Variants in TRMT10A observed in about 807,000 individuals in gnomAD.
The protein encoded by TRMT10A is tRNA methyltransferase 10 homolog A.
Under a neutral mutation model 40.4 loss-of-function variants are expected in TRMT10A, and 37 were observed. The ratio of observed to expected loss-of-function variants is 0.92; its 90% CI spans 0.71 to 1.21. TRMT10A has a LOEUF of 1.21. TRMT10A is among the 50% of genes most tolerant of loss of function. The pLI is 0.00. For synonymous variants in TRMT10A, 103 were observed against 134.1 expected (o/e 0.77, Z 1.60); for missense variants, 388 against 404.3 (o/e 0.96, Z 0.35).
chr4:99,558,024 T>C (rs1313536238), intron 3 of TRMT10A, 25 bp downstream of exon 3: 1 of 1,524,080 alleles, frequency 6.6e-7, no homozygotes, highest in East Asian at 2.5e-5. Context: ...ACATACAAGA[T>C]TTTTCTGACA....
rs748650030 is a variant in TRMT10A at position 99,563,959 on chromosome 4, T to G, written c.-70A>C. On this transcript the variant is annotated 5_prime_UTR_variant, in exon 1 of 8. Coordinates refer to ENST00000394876, the MANE Select transcript of TRMT10A (RefSeq NM_001134665.3). ...AAGTGAAATCTCAGAAAGAAAGCCTTTCTGGGTTGGCCTGGTTACGGCTCA... is the reference window on the plus strand; with the variant it reads ...AAGTGAAATCTCAGAAAGAAAGCCTGTCTGGGTTGGCCTGGTTACGGCTCA... 23 of 1,072,322 alleles carry G rather than the reference T, an allele frequency of 2.1e-5. 1 individual carries two copies. In the South Asian group the frequency reaches 3.0e-4, roughly 14 times the overall value. The allele number at this position is 1,072,322 out of a possible 1,614,324, so 66.4% of individuals were successfully genotyped here.
At chr4:99,557,057 A>G (rs1327872972) in intron 4 of TRMT10A, among the ~76,000 whole-genome samples, 1 of 152,180 alleles carries the variant, frequency 6.6e-6, no homozygotes, top group African/African-American at 2.4e-5. Context: ...TAAACTGAAA[A>G]ACTGGTATAA....
chr4:99,551,849 T>G (rs957373383), intron 6 of TRMT10A, among the ~76,000 whole-genome samples: 1 of 151,874 alleles, frequency 6.6e-6, no homozygotes, highest in African/African-American at 2.4e-5. Flanking sequence ...TGACTCTATG[T>G]AGGCCTAGGC....
At chr4:99,553,968 A>T (rs757867107) in intron 5 of TRMT10A, 34 bp from the exon 6 acceptor site, 1 of 1,590,704 alleles carries the variant, frequency 6.3e-7, no homozygotes, top group Admixed American at 1.9e-5. Context: ...TTACTAATTA[A>T]TAAGACCTTA....
At chr4:99,557,529 T>C in intron 3 of TRMT10A, 113 bp from the exon 4 acceptor site, 1 of 816,140 alleles carries the variant, frequency 1.2e-6, no homozygotes, top group Admixed American at 3.2e-5. Context: ...ACAATTTTTC[T>C]TCTTAAATAC....
intron 6 of TRMT10A, 100 bp from the exon 7 acceptor site, chr4:99,551,090 T>C: frequency 1.2e-6 from 1 of 820,968 alleles, no homozygotes; most frequent in African/African-American, 1.8e-5. Context: ...GTTCAGAGAA[T>C]TTATAGTTCA....
At chr4:99,561,260 C>T (rs1330134796) in intron 1 of TRMT10A, among the ~76,000 whole-genome samples, 2 of 152,066 alleles carry the variant, frequency 1.3e-5, no homozygotes, top group Non-Finnish European at 1.5e-5. Flanking sequence ...TCACCAGGCC[C>T]GGCCTACGTG....
intron 6 of TRMT10A, 151 bp downstream of exon 6, chr4:99,553,634 T>C (rs780796017): frequency 2.0e-5 from 13 of 656,510 alleles, no homozygotes; most frequent in South Asian, 2.5e-5. Flanking sequence ...AGCTAACTTA[T>C]GTGAAATACT....
At chr4:99,555,862 T>C (rs1008913141) in intron 5 of TRMT10A, among the ~76,000 whole-genome samples, 5 of 152,150 alleles carry the variant, frequency 3.3e-5, no homozygotes, top group African/African-American at 1.2e-4. Context: ...AGCTAGTATG[T>C]TAGGGAGAAA....
chr4:99,556,066 T>A (rs554606061), intron 5 of TRMT10A, 80 bp downstream of exon 5: 1 of 1,301,050 alleles, frequency 7.7e-7, no homozygotes, highest in East Asian at 2.3e-5. Flanking sequence ...TAGCATTATA[T>A]AGAATTTAGG....
At chr4:99,557,905 A>G in intron 3 of TRMT10A, 144 bp downstream of exon 3, 1 of 698,108 alleles carries the variant, frequency 1.4e-6, no homozygotes, top group Non-Finnish European at 2.3e-6. Context: ...GCAATTTGCT[A>G]GCTAATTTAA....
In TRMT10A at chr4:99,557,378, G is replaced by GT. The variant is rs780192647; in HGVS notation, c.386dup (p.Tyr129Ter). The change falls in exon 4 of 8, where the codon TAC becomes TAAC. Residue 129 changes from tyrosine to a stop codon, truncating the protein, a stop_gained and frameshift_variant. Coordinates refer to ENST00000394876, the MANE Select transcript of TRMT10A (RefSeq NM_001134665.3). LOFTEE classifies it high-confidence loss of function. ...GATGCAGTGCCCGTCGGTTTTCTGC[G>GT]TAACATCGTTGAATCTGCTTATGAA... ...KKLHKQIQRC[Y>*]AENRRALHPV... 6 of 1,613,332 alleles carry GT rather than the reference G, an allele frequency of 3.7e-6. No homozygotes were observed. Among genetic ancestry groups the GT allele is most frequent in the Non-Finnish European group, 5.1e-6 (6 of 1,179,576 alleles).
chr4:99,554,518 C>G (rs1418980438), intron 5 of TRMT10A, among the ~76,000 whole-genome samples: 1 of 151,822 alleles, frequency 6.6e-6, no homozygotes. Flanking sequence ...GTCAGGAGTT[C>G]GAGACCAGCC....
intron 5 of TRMT10A, among the ~76,000 whole-genome samples, 190 bp from the exon 6 acceptor site, chr4:99,554,124 A>G (rs1332488189): frequency 2.0e-5 from 3 of 152,298 alleles, no homozygotes; most frequent in South Asian, 4.1e-4. Context: ...TTGATCATTT[A>G]AATAGCCTCT....
chr4:99,563,796 T>G (rs777541721), intron 1 of TRMT10A, 117 bp downstream of exon 1: 2 of 583,458 alleles, frequency 3.4e-6, no homozygotes, highest in Middle Eastern at 2.8e-4. Flanking sequence ...TCCACACCAC[T>G]GCTCCCCTCT....
chr4:99,562,869 T>A (rs1724494739), intron 1 of TRMT10A, among the ~76,000 whole-genome samples: 2 of 151,474 alleles, frequency 1.3e-5, no homozygotes, highest in African/African-American at 4.9e-5. Context: ...TTGCCCAGGC[T>A]GGAGTGCAAT....
intron 5 of TRMT10A, among the ~76,000 whole-genome samples, chr4:99,555,319 A>G (rs1344740150): frequency 6.6e-6 from 1 of 152,202 alleles, no homozygotes; most frequent in African/African-American, 2.4e-5. Context: ...GTGAAAGGGA[A>G]AGTGTGTCAC....
At chr4:99,553,714 G>C in intron 6 of TRMT10A, 71 bp downstream of exon 6, 1 of 1,442,170 alleles carries the variant, frequency 6.9e-7, no homozygotes, top group Non-Finnish European at 9.4e-7. Flanking sequence ...TAGTATTATT[G>C]TTACTTTCAG....
intron 4 of TRMT10A, among the ~76,000 whole-genome samples, chr4:99,556,696 A>C (rs1724175194): frequency 6.6e-6 from 1 of 152,204 alleles, no homozygotes; most frequent in African/African-American, 2.4e-5. Context: ...ATAAAACAAA[A>C]AGTATAAAAA....
Sources: gnomAD v4.1 joint callset for allele counts (sites outside exome capture counted in the v4.1 genomes callset) on GRCh38, gnomAD v4.1.1 for gene constraint, MANE v1.5 for transcripts, NCBI Gene and HGNC (gene_info 2026-07-23, HGNC 2026-07-21) for gene names.